GRM5: variants seen among roughly 807,000 people sequenced by gnomAD.
The protein encoded by GRM5 is glutamate metabotropic receptor 5, also known as metabotropic glutamate receptor 5.
A neutral mutation model predicts 83.1 loss-of-function variants in GRM5; 19 were observed. That is an observed-to-expected ratio of 0.23 (90% CI 0.16 to 0.34). The LOEUF is 0.34. GRM5 is among the 10% of genes least tolerant of loss of function. GRM5 has a pLI of 1.00. For missense variants in GRM5, 1,160 were observed against 1,588.3 expected, an observed-to-expected ratio of 0.73 and a Z score of 4.58; for synonymous variants, 675 against 633.6, an observed-to-expected ratio of 1.07 and a Z score of -0.98.
intron 3 of GRM5, among the ~76,000 whole-genome samples, chr11:88,827,357 A>G (rs1186289754): frequency 6.6e-6 from 1 of 152,154 alleles, no homozygotes. Context: ...ACATCCTTAC[A>G]TGCATACTCA....
intron 2 of GRM5, among the ~76,000 whole-genome samples, chr11:89,018,540 G>C (rs534963656): frequency 1.3e-5 from 2 of 151,858 alleles, no homozygotes; most frequent in African/African-American, 2.4e-5. Flanking sequence ...ACTATGTCTT[G>C]GACATTTATC....
At chr11:88,907,564 G>C (rs1388799599) in intron 2 of GRM5, among the ~76,000 whole-genome samples, 1 of 152,132 alleles carries the variant, frequency 6.6e-6, no homozygotes, top group Non-Finnish European at 1.5e-5. Flanking sequence ...CAATTTCTCT[G>C]CAGCAGTATT....
intron 2 of GRM5, among the ~76,000 whole-genome samples, chr11:88,916,348 G>C (rs1945592226): frequency 6.6e-6 from 1 of 152,108 alleles, no homozygotes; most frequent in African/African-American, 2.4e-5. Flanking sequence ...GAATCTGTAT[G>C]CTTGGTAGAA....
intron 3 of GRM5, among the ~76,000 whole-genome samples, chr11:88,693,466 T>C (rs1940830103): frequency 2.0e-5 from 3 of 152,150 alleles, no homozygotes; most frequent in African/African-American, 7.2e-5. Flanking sequence ...TGTCTGATTC[T>C]GAAAATGTTG....
chr11:88,739,231 C>A (rs145794897), intron 3 of GRM5, among the ~76,000 whole-genome samples: 1 of 151,976 alleles, frequency 6.6e-6, no homozygotes, highest in African/African-American at 2.4e-5. Flanking sequence ...CTCACTAATG[C>A]GTAATTCTTA....
chr11:88,836,815 A>C (rs957152477), intron 3 of GRM5, among the ~76,000 whole-genome samples: 2 of 149,346 alleles, frequency 1.3e-5, no homozygotes, highest in Admixed American at 6.6e-5. Flanking sequence ...AAAAACAAAA[A>C]ACAAAAACAA....
chr11:88,867,094 T>C (rs1365723244), intron 2 of GRM5, among the ~76,000 whole-genome samples: 2 of 152,134 alleles, frequency 1.3e-5, no homozygotes, highest in Non-Finnish European at 2.9e-5. Context: ...TACCACGCTG[T>C]TTTGGTTACT....
chr11:88,587,331 A>G (rs1943336844), intron 7 of GRM5, among the ~76,000 whole-genome samples: 1 of 152,174 alleles, frequency 6.6e-6, no homozygotes, highest in Non-Finnish European at 1.5e-5. Context: ...CAGGTGGAGA[A>G]GACAATATGT....
intron 4 of GRM5, among the ~76,000 whole-genome samples, chr11:88,651,627 T>C (rs1939634670): frequency 6.6e-6 from 1 of 152,056 alleles, no homozygotes; most frequent in Non-Finnish European, 1.5e-5. Context: ...TATTTTGCCA[T>C]AAAAAATGAA....
At chr11:89,013,191 G>C (rs930750252) in intron 2 of GRM5, among the ~76,000 whole-genome samples, 1 of 152,162 alleles carries the variant, frequency 6.6e-6, no homozygotes, top group African/African-American at 2.4e-5. Context: ...TAATGCGATA[G>C]ATGACAAATA....
At chr11:88,982,986 A>G (rs1374024578) in intron 2 of GRM5, among the ~76,000 whole-genome samples, 1 of 152,266 alleles carries the variant, frequency 6.6e-6, no homozygotes, top group African/African-American at 2.4e-5. Flanking sequence ...GAATTGCTTG[A>G]ACCTGGGAGG....
chr11:88,634,706 A>G (rs1254416157), intron 4 of GRM5, among the ~76,000 whole-genome samples: 1 of 152,222 alleles, frequency 6.6e-6, no homozygotes, highest in African/African-American at 2.4e-5. Flanking sequence ...TTATAAGTAG[A>G]AGGAGTACAC....
intron 2 of GRM5, among the ~76,000 whole-genome samples, chr11:88,960,082 A>G (rs1938737706): frequency 6.6e-6 from 1 of 152,192 alleles, no homozygotes; most frequent in Non-Finnish European, 1.5e-5. Context: ...CTGCACTTGG[A>G]AAGGATCTGA....
intron 3 of GRM5, among the ~76,000 whole-genome samples, chr11:88,688,254 A>C (rs960779317): frequency 5.3e-5 from 8 of 152,198 alleles, no homozygotes; most frequent in African/African-American, 1.9e-4. Context: ...ATAGTGGATA[A>C]AATATAGTTT....
At chr11:88,862,794 A>T (rs557165384) in intron 2 of GRM5, among the ~76,000 whole-genome samples, 2 of 152,194 alleles carry the variant, frequency 1.3e-5, no homozygotes, top group East Asian at 3.9e-4. Context: ...ATTTTTCCTG[A>T]TGCTCTTCCT....
At chr11:89,018,066 C>T (rs1251218571) in intron 2 of GRM5, among the ~76,000 whole-genome samples, 1 of 152,062 alleles carries the variant, frequency 6.6e-6, no homozygotes, top group Non-Finnish European at 1.5e-5. Flanking sequence ...ATTTAAATTT[C>T]AGGTTTGTTG....
chr11:88,780,101 G>A (rs1942944109), intron 3 of GRM5, among the ~76,000 whole-genome samples: 1 of 152,138 alleles, frequency 6.6e-6, no homozygotes, highest in Non-Finnish European at 1.5e-5. Flanking sequence ...AGATGAGGGA[G>A]GTCTTCTTTT....
intron 2 of GRM5, among the ~76,000 whole-genome samples, chr11:88,861,285 C>T (rs1274484889): frequency 2.0e-5 from 3 of 152,074 alleles, no homozygotes; most frequent in Non-Finnish European, 4.4e-5. Context: ...TCCTGAGGCA[C>T]AGCACATGCT....
rs561525133 is a variant in GRM5, at chr11:88,812,727, G to C, written c.911+37179C>G. Among the ~76,000 whole-genome samples the C allele has an allele frequency of 1.6e-4, 25 of 152,170 alleles. No individual in the cohort carries two copies. In the South Asian group the frequency reaches 5.0e-3, roughly 30 times the overall value. ...ATGAAAACCTTTCATCATAAAAGAC[G>C]AAATTTCATTTTTTTCCCAAAACCC... On this transcript the variant is annotated intron_variant, in intron 3 of 9. Transcript: ENST00000305447.
Sources: allele counts gnomAD v4.1 joint callset (sites outside exome capture counted in the v4.1 genomes callset), GRCh38; gene constraint gnomAD v4.1.1; transcripts MANE v1.5; gene names NCBI Gene and HGNC (gene_info 2026-07-23, HGNC 2026-07-21).